UMAD1: variants seen among roughly 807,000 people sequenced by gnomAD.
UMAD1 encodes the protein UBAP1-MVB12-associated (UMA) domain containing 1.
UMAD1 carries 8 observed loss-of-function variants against 6.1 expected under a neutral mutation model. The observed-to-expected ratio is 1.30, with a 90% CI of 0.76 to 2.35. The LOEUF (loss-of-function observed/expected upper bound fraction) is 2.35. Ranked by LOEUF, UMAD1 falls within the 30% of genes most tolerant of loss-of-function variation. The pLI is 0.00. For missense variants in UMAD1, 130 were observed against 78.4 expected (o/e 1.66, Z -2.49); for synonymous variants, 56 against 31.4 (o/e 1.78, Z -2.61).
At position 7,670,093 on chromosome 7, in the gene UMAD1, G is replaced by C. The variant is rs1035683579; in HGVS notation, c.-63-3216G>C. On this transcript the variant is annotated intron_variant, in intron 1 of 3. Transcript: ENST00000682710. Reference sequence around the variant, plus strand: ...ATTTTAACGTTTCACTTAATTACTTGTTATAAATTCCATACACAATACTTG... The same window carrying C: ...ATTTTAACGTTTCACTTAATTACTTCTTATAAATTCCATACACAATACTTG... Among the ~76,000 whole-genome samples the C allele has an allele frequency of 6.6e-5, 10 of 152,242 alleles. No homozygotes were observed. The East Asian group carries it at 1.9e-3, about 29-fold the overall frequency.
intron 1 of UMAD1, among the ~76,000 whole-genome samples, chr7:7,670,691 T>A (rs565597130): frequency 6.6e-6 from 1 of 152,322 alleles, no homozygotes; most frequent in Admixed American, 6.5e-5. Context: ...GTACTCTTGG[T>A]CTGGAGACTT....
chr7:7,763,530 C>A (rs1041915154), intron 2 of UMAD1, among the ~76,000 whole-genome samples: 2 of 152,158 alleles, frequency 1.3e-5, no homozygotes, highest in African/African-American at 2.4e-5. Context: ...GACATTTTTC[C>A]AGTCATTGGA....
intron 2 of UMAD1, among the ~76,000 whole-genome samples, chr7:7,679,695 A>G (rs1413543535): frequency 4.5e-5 from 6 of 132,224 alleles, no homozygotes; most frequent in African/African-American, 1.8e-4. Flanking sequence ...ATATTTATAT[A>G]TTTAATTTAT....
intron 2 of UMAD1, among the ~76,000 whole-genome samples, chr7:7,746,955 TTGTGTGTGTGTGTG>T (rs36223422): frequency 3.4e-5 from 5 of 148,516 alleles, no homozygotes; most frequent in Non-Finnish European, 7.5e-5. Flanking sequence ...GAGTGCATGT[TTGTGTGTGTGTGTG>T]TGTGTGTGTG....
chr7:7,851,315 A>G (rs752039704), intron 3 of UMAD1, among the ~76,000 whole-genome samples: 1 of 152,156 alleles, frequency 6.6e-6, no homozygotes, highest in East Asian at 1.9e-4. Context: ...CAGTCTATGA[A>G]TATTTGAGTT....
intron 1 of UMAD1, among the ~76,000 whole-genome samples, chr7:7,641,945 G>A (rs3757527): frequency 0.52 from 79,676 of 152,084 alleles, 24,075 homozygotes; most frequent in East Asian, 0.88. Context: ...ACTCACTAAC[G>A]GTACTTTAAA....
At chr7:7,674,905 C>G (rs980757489) in intron 2 of UMAD1, among the ~76,000 whole-genome samples, 2 of 152,074 alleles carry the variant, frequency 1.3e-5, no homozygotes, top group Non-Finnish European at 2.9e-5. Flanking sequence ...TTCCAAAAAA[C>G]TCTTGTTTTC....
At chr7:7,760,785 G>C (rs80083861) in intron 2 of UMAD1, among the ~76,000 whole-genome samples, 2,895 of 152,220 alleles carry the variant, frequency 0.019, 34 homozygotes, top group South Asian at 0.064. Flanking sequence ...GAAGGTTAAG[G>C]ACATGCTATG....
intron 2 of UMAD1, among the ~76,000 whole-genome samples, chr7:7,756,778 G>A (rs1402570253): frequency 6.6e-6 from 1 of 152,158 alleles, no homozygotes; most frequent in Non-Finnish European, 1.5e-5. Flanking sequence ...TACGTAATCT[G>A]CTAGACACTT....
chr7:7,666,738 A>G (rs912330400), intron 1 of UMAD1, among the ~76,000 whole-genome samples: 3 of 151,984 alleles, frequency 2.0e-5, no homozygotes, highest in East Asian at 3.8e-4. Context: ...CTTTATATAC[A>G]TTATTTATCA....
intron 2 of UMAD1, among the ~76,000 whole-genome samples, chr7:7,714,499 A>G (rs1280643156): frequency 6.6e-6 from 1 of 152,262 alleles, no homozygotes; most frequent in Non-Finnish European, 1.5e-5. Context: ...GAAATAATCT[A>G]TATAGTTTAA....
chr7:7,864,723 G>A (rs1044275114), intron 3 of UMAD1, among the ~76,000 whole-genome samples: 1 of 151,154 alleles, frequency 6.6e-6, no homozygotes, highest in Non-Finnish European at 1.5e-5. Context: ...TGTTATCTGA[G>A]GACCCACTGT....
Position 7,673,343 on chromosome 7 carries a change from CA to C in UMAD1, c.-28del. On this transcript the variant is annotated 5_prime_UTR_variant, in exon 2 of 4. Transcript: ENST00000682710. ...GCAGCAGCAGCAGCAGCAGCAGCAG[CA>C]GCAGCAGCAGCAGCAGCAGCAGCAG... 1 of 1,267,656 alleles carries C rather than the reference CA, an allele frequency of 7.9e-7. No homozygotes were observed. Among genetic ancestry groups the C allele is most frequent in the Non-Finnish European group, 1.1e-6 (1 of 900,996 alleles). The allele number at this position is 1,267,656 out of a possible 1,614,324, so 78.5% of individuals were successfully genotyped here. A position where few individuals can be genotyped will look rare whatever the true frequency, so the allele number is the denominator to read the frequency against.
intron 2 of UMAD1, among the ~76,000 whole-genome samples, chr7:7,723,874 C>A (rs1038360943): frequency 4.0e-5 from 6 of 151,724 alleles, no homozygotes; most frequent in African/African-American, 1.5e-4. Context: ...TCACGGTGTT[C>A]CTAGAAGTGA....
chr7:7,660,684 G>A (rs995891971), intron 1 of UMAD1, among the ~76,000 whole-genome samples: 9 of 152,176 alleles, frequency 5.9e-5, no homozygotes, highest in African/African-American at 2.2e-4. Flanking sequence ...TTAGTCTGAT[G>A]GACTTCCCTT....
rs551575756 is a variant in UMAD1, at chr7:7,735,080, AT to A, written c.82+61630del. On this transcript the variant is annotated intron_variant, in intron 2 of 3. Transcript: ENST00000682710. ...TCACAAAACCAATAGTGTAAAAAAA[AT>A]TTCAAGAACACATCAAATAAGTTAC... Among the ~76,000 whole-genome samples, 702 of 151,710 alleles carry A rather than the reference AT, an allele frequency of 4.6e-3. 6 individuals carry two copies. Among genetic ancestry groups the A allele is most frequent in the African/African-American group, 0.016 (659 of 41,258 alleles).
At chr7:7,852,642 C>T (rs1352161832) in intron 3 of UMAD1, among the ~76,000 whole-genome samples, 1 of 152,136 alleles carries the variant, frequency 6.6e-6, no homozygotes, top group Non-Finnish European at 1.5e-5. Flanking sequence ...GGGGTAAGGT[C>T]TGGAAGGGTC....
At chr7:7,870,810 T>C (rs1784319071) in intron 3 of UMAD1, among the ~76,000 whole-genome samples, 3 of 152,248 alleles carry the variant, frequency 2.0e-5, no homozygotes, top group Admixed American at 1.3e-4. Context: ...CCTTGGAGAC[T>C]GTAATGTTGC....
intron 1 of UMAD1, among the ~76,000 whole-genome samples, chr7:7,669,683 A>G (rs1364365862): frequency 1.3e-5 from 2 of 152,228 alleles, no homozygotes; most frequent in Non-Finnish European, 2.9e-5. Context: ...CCCACAGAAC[A>G]ACATCTTGAG....
Sources: allele counts gnomAD v4.1 joint callset (sites outside exome capture counted in the v4.1 genomes callset), GRCh38; gene constraint gnomAD v4.1.1; transcripts MANE v1.5; gene names NCBI Gene and HGNC (gene_info 2026-07-23, HGNC 2026-07-21).